The following MAN1A1 variants were observed in gnomAD, a reference collection of about 807,000 sequenced individuals.
MAN1A1 encodes the protein mannosidase alpha class 1A member 1.
A neutral mutation model predicts 70.8 loss-of-function variants in MAN1A1; 29 were observed. The ratio of observed to expected loss-of-function variants is 0.41; its 90% CI spans 0.31 to 0.56. The LOEUF (loss-of-function observed/expected upper bound fraction) is 0.56, where lower values mean the gene tolerates loss of function less well. Ranked by LOEUF, MAN1A1 falls within the 20% of genes least tolerant of loss-of-function variation. The pLI is 0.29. For synonymous variants in MAN1A1, 349 were observed against 330.1 expected (o/e 1.06, Z -0.62); for missense variants, 747 against 841.3 (o/e 0.89, Z 1.39).
intron 6 of MAN1A1, among the ~76,000 whole-genome samples, chr6:119,205,565 GC>G (rs1272709882): frequency 1.3e-5 from 2 of 152,144 alleles, no homozygotes; most frequent in African/African-American, 4.8e-5. Flanking sequence ...CTGCTTCATG[GC>G]CTTTCTTGGA....
chr6:119,227,682 T>C (rs1174473501), intron 6 of MAN1A1, among the ~76,000 whole-genome samples: 9 of 152,172 alleles, frequency 5.9e-5, no homozygotes, highest in Admixed American at 5.9e-4. Flanking sequence ...TAGCCCAGGA[T>C]AGTCTTGAAC....
intron 3 of MAN1A1, among the ~76,000 whole-genome samples, chr6:119,303,400 T>C (rs1399968122): frequency 6.6e-6 from 1 of 152,222 alleles, no homozygotes; most frequent in Non-Finnish European, 1.5e-5. Context: ...GATGCCCAAT[T>C]GTAATTGAGT....
At chr6:119,210,526 C>T (rs961920455) in intron 6 of MAN1A1, among the ~76,000 whole-genome samples, 1 of 152,142 alleles carries the variant, frequency 6.6e-6, no homozygotes, top group African/African-American at 2.4e-5. Flanking sequence ...CTGTTGAGTG[C>T]ATACTATCTG....
rs77146281 is a variant in MAN1A1, at chr6:119,186,147, T to C, written c.1719+2258A>G. ...ATTGTGGCTTCAAAATAAATAACTT[T>C]CTAACACCTTCAATATTACCAATTG... On this transcript the variant is annotated intron_variant, in intron 11 of 12. Coordinates refer to ENST00000368468, the MANE Select transcript of MAN1A1 (RefSeq NM_005907.4). Among the ~76,000 whole-genome samples the C allele has an allele frequency of 3.5e-3, 539 of 152,244 alleles. 4 individuals are homozygous for C. Among genetic ancestry groups the C allele is most frequent in the African/African-American group, 0.012 (501 of 41,528 alleles).
intron 11 of MAN1A1, among the ~76,000 whole-genome samples, chr6:119,184,372 G>C (rs1773230965): frequency 6.6e-6 from 1 of 152,130 alleles, no homozygotes; most frequent in African/African-American, 2.4e-5. Context: ...AAAGGATGAA[G>C]GGTAGGTAAG....
chr6:119,202,361 G>A (rs1184434727), intron 7 of MAN1A1, among the ~76,000 whole-genome samples: 7 of 151,788 alleles, frequency 4.6e-5, no homozygotes, highest in Admixed American at 2.0e-4. Context: ...ACATCTTATC[G>A]CACTGGAAGG....
chr6:119,230,231 C>T (rs1774640511), intron 6 of MAN1A1, among the ~76,000 whole-genome samples: 2 of 152,174 alleles, frequency 1.3e-5, no homozygotes, highest in Non-Finnish European at 2.9e-5. Flanking sequence ...AACGATCGCT[C>T]CTGATAGCTG....
chr6:119,331,582 T>TATATATATACAC (rs1554216777), intron 2 of MAN1A1, among the ~76,000 whole-genome samples: 8 of 144,734 alleles, frequency 5.5e-5, no homozygotes, highest in African/African-American at 1.8e-4. Flanking sequence ...TATATATATA[T>TATATATATACAC]ATATATATAT....
At chr6:119,322,704 T>G (rs1207869347) in intron 2 of MAN1A1, among the ~76,000 whole-genome samples, 1 of 152,224 alleles carries the variant, frequency 6.6e-6, no homozygotes, top group Admixed American at 6.5e-5. Context: ...CAACTAATTA[T>G]TGATGAAGAC....
intron 2 of MAN1A1, among the ~76,000 whole-genome samples, chr6:119,310,964 G>A (rs1424699620): frequency 6.6e-6 from 1 of 152,146 alleles, no homozygotes; most frequent in African/African-American, 2.4e-5. Context: ...ATTTACTGAG[G>A]AGTAAGGCGT....
In MAN1A1 at chr6:119,201,274, C is replaced by T; in HGVS notation, c.1190G>A (p.Ser397Asn). The change falls in exon 8 of 13, where the codon AGT becomes AAT. Residue 397 changes from serine (S) to asparagine (N), a missense_variant. Physicochemically the swap from Ser to Asn is conservative, Grantham distance 46. Transcript: ENST00000368468. ...QGLYPNYLNP[S>N]SGQWGQHHVS... Reference sequence around the variant, plus strand: ...CTTACGTTGACCCCACTGTCCACTACTGGGATTCAGATAGTTAGGATAAAG... The same window carrying T: ...CTTACGTTGACCCCACTGTCCACTATTGGGATTCAGATAGTTAGGATAAAG... 6.2e-7 allele frequency: 1 copy of T among 1,613,206 alleles called. No individual in the cohort carries two copies. The highest frequency in any genetic ancestry group is 2.2e-5 in the East Asian group (1 of 44,860).
intron 6 of MAN1A1, among the ~76,000 whole-genome samples, chr6:119,229,296 T>C (rs900075057): frequency 6.6e-6 from 1 of 152,028 alleles, no homozygotes; most frequent in Non-Finnish European, 1.5e-5. Context: ...GAAAAAAGTT[T>C]GGGAAGCAGT....
chr6:119,220,146 T>A (rs1774319237), intron 6 of MAN1A1, among the ~76,000 whole-genome samples: 1 of 152,156 alleles, frequency 6.6e-6, no homozygotes, highest in Non-Finnish European at 1.5e-5. Flanking sequence ...ATAGAAATCT[T>A]TCTTCTGCCA....
intron 2 of MAN1A1, among the ~76,000 whole-genome samples, chr6:119,312,181 T>C (rs1772727572): frequency 1.3e-5 from 2 of 152,154 alleles, no homozygotes; most frequent in African/African-American, 4.8e-5. Flanking sequence ...GCAATCTAAC[T>C]CACTGATTGT....
chr6:119,309,548 C>G (rs890172777), intron 2 of MAN1A1, among the ~76,000 whole-genome samples: 3 of 152,182 alleles, frequency 2.0e-5, no homozygotes, highest in Non-Finnish European at 4.4e-5. Flanking sequence ...CCTTAGGTTT[C>G]TTTTGTAGTC....
intron 2 of MAN1A1, among the ~76,000 whole-genome samples, chr6:119,330,298 C>CCT (rs1347580350): frequency 6.6e-6 from 1 of 152,038 alleles, no homozygotes; most frequent in East Asian, 1.9e-4. Context: ...ATCCATTACC[C>CCT]CTCTCCACTC....
At chr6:119,220,394 GT>G (rs1427114956) in intron 6 of MAN1A1, among the ~76,000 whole-genome samples, 1 of 152,106 alleles carries the variant, frequency 6.6e-6, no homozygotes, top group African/African-American at 2.4e-5. Flanking sequence ...CTTTCACGTA[GT>G]ATCCTTTTAT....
chr6:119,198,024 A>G (rs1773619847), intron 8 of MAN1A1, among the ~76,000 whole-genome samples: 1 of 152,174 alleles, frequency 6.6e-6, no homozygotes, highest in South Asian at 2.1e-4. Flanking sequence ...CAGCTTTTGA[A>G]ATGTGTGGTG....
At chr6:119,213,396 T>C (rs922417163) in intron 6 of MAN1A1, among the ~76,000 whole-genome samples, 10 of 152,064 alleles carry the variant, frequency 6.6e-5, no homozygotes, top group African/African-American at 2.4e-4. Context: ...CATCTAAAAT[T>C]TTAAAAACAT....
Sources: gnomAD v4.1 joint callset for allele counts (sites outside exome capture counted in the v4.1 genomes callset) on GRCh38, gnomAD v4.1.1 for gene constraint, MANE v1.5 for transcripts, NCBI Gene and HGNC (gene_info 2026-07-23, HGNC 2026-07-21) for gene names.